Variants in PPP1R13L observed in about 807,000 individuals in gnomAD.
PPP1R13L encodes protein phosphatase 1 regulatory subunit 13 like, also known as relA-associated inhibitor.
Under a neutral mutation model 80.9 loss-of-function variants are expected in PPP1R13L, and 50 were observed. The observed-to-expected ratio is 0.62, with a 90% CI of 0.49 to 0.78. The LOEUF (loss-of-function observed/expected upper bound fraction) is 0.78, where lower values mean the gene tolerates loss of function less well. Among genes scored for constraint, PPP1R13L ranks in the 30% least tolerant of loss-of-function variants. The probability of loss-of-function intolerance (pLI) is 0.00; values close to 1 mark genes in which losing one functional copy is unlikely to be tolerated. For missense variants in PPP1R13L, 1,200 were observed against 1,205.9 expected (o/e 1.00, Z 0.07); for synonymous variants, 602 against 534.3 (o/e 1.13, Z -1.75).
chr19:45,387,786 C>T (rs1029965355), intron 8 of PPP1R13L, among the ~76,000 whole-genome samples: 1 of 152,124 alleles, frequency 6.6e-6, no homozygotes, highest in South Asian at 2.1e-4. Context: ...CTCCTGACCT[C>T]GTGATCCGCC....
Position 45,396,643 on chromosome 19 carries a change from C to T in PPP1R13L, c.614G>A (p.Arg205His), listed in dbSNP as rs1599774597. 2 of 1,467,670 alleles carry T rather than the reference C, an allele frequency of 1.4e-6. No homozygotes were observed. The highest frequency in any genetic ancestry group is 1.8e-6 in the Non-Finnish European group (2 of 1,119,978). 90.9% of individuals were successfully genotyped at this position (1,467,670 alleles called of 1,614,324 possible). A position where few individuals can be genotyped will look rare whatever the true frequency, so the allele number is the denominator to read the frequency against. Residue 205 changes from arginine (R) to histidine (H), a missense_variant, in exon 4 of 13, where the codon CGC becomes CAC. By Grantham distance (29) the Arg-to-His change is conservative (BLOSUM62 0). This residue lies in a region of PPP1R13L where 764 missense variants were observed against 714.5 expected (regional missense o/e 1.07). Coordinates refer to ENST00000360957, the MANE Select transcript of PPP1R13L (RefSeq NM_006663.4). The surrounding 1 kb of genome is among the most constrained non-coding windows in gnomAD (Gnocchi z 5.3). ...CGCGTCGTAGGCTGTGGCAGGGGGG[C>T]GCGGTGACGGCCCACGCTCGGGGAA... ...AFFPERGPSPRPPATAYDAPA... is the reference protein window; with the variant it reads ...AFFPERGPSPHPPATAYDAPA...
chr19:45,386,631 C>CTTTT (rs34881055), intron 8 of PPP1R13L, among the ~76,000 whole-genome samples: 15 of 133,632 alleles, frequency 1.1e-4, no homozygotes, highest in African/African-American at 1.7e-4. Flanking sequence ...TTCTTTTTCT[C>CTTTT]TTTTTTTTTT....
chr19:45,399,746 G>C (rs1172638275), intron 1 of PPP1R13L, among the ~76,000 whole-genome samples: 1 of 151,814 alleles, frequency 6.6e-6, no homozygotes, highest in Non-Finnish European at 1.5e-5. Flanking sequence ...TTGAAGCCAG[G>C]AGACCAGCCT....
At chr19:45,402,503 G>A (rs995544543) in intron 1 of PPP1R13L, among the ~76,000 whole-genome samples, 2 of 152,242 alleles carry the variant, frequency 1.3e-5, no homozygotes, top group Non-Finnish European at 2.9e-5. Flanking sequence ...CCACCAGGGG[G>A]CGGTCACGCC....
At chr19:45,389,760 G>A (rs1408201421) in intron 8 of PPP1R13L, among the ~76,000 whole-genome samples, 1 of 151,998 alleles carries the variant, frequency 6.6e-6, no homozygotes, top group Non-Finnish European at 1.5e-5. Context: ...GCACCCAGCC[G>A]AGACTCACTT....
At chr19:45,383,658 T>C (rs1255399658) in intron 11 of PPP1R13L, among the ~76,000 whole-genome samples, 1 of 152,222 alleles carries the variant, frequency 6.6e-6, no homozygotes, top group African/African-American at 2.4e-5. Context: ...TCTTTTGCCC[T>C]ACCCTGGCGC....
At chr19:45,385,979 G>T in intron 9 of PPP1R13L, 22 bp from the exon 10 acceptor site, 1 of 1,600,626 alleles carries the variant, frequency 6.2e-7, no homozygotes, top group Non-Finnish European at 8.5e-7. Context: ...GGGGGAGGGG[G>T]AAGACTCAGT....
In PPP1R13L at chr19:45,386,147, G is replaced by C. The variant is rs767226818; in HGVS notation, c.1849C>G (p.Pro617Ala). 10 of 1,540,768 alleles carry C rather than the reference G, an allele frequency of 6.5e-6. No homozygotes were observed. Among genetic ancestry groups the C allele is most frequent in the Non-Finnish European group, 8.6e-6 (10 of 1,157,152 alleles). Residue 617 changes from proline to alanine, a missense_variant, in exon 9 of 13, where the codon CCG (proline) becomes GCG (alanine). By Grantham distance (27) the Pro-to-Ala change is conservative. Transcript: ENST00000360957. ...MRSVLRKAGS[P>A]RKARRARLNP... Reference sequence around the variant, plus strand: ...AGGCGCGCGCGGCGGGCCTTGCGCGGGGAGCCCGCCTTCCGCAGCACAGAG... The same window carrying C: ...AGGCGCGCGCGGCGGGCCTTGCGCGCGGAGCCCGCCTTCCGCAGCACAGAG...
chr19:45,382,481 A>G (rs371926367), intron 12 of PPP1R13L, 46 bp downstream of exon 12: 3 of 1,586,498 alleles, frequency 1.9e-6, no homozygotes, highest in Admixed American at 1.7e-5. Context: ...CTTTTCCCCA[A>G]CCCCCAACTG....
chr19:45,382,981 C>A (rs1217439784), intron 11 of PPP1R13L, among the ~76,000 whole-genome samples: 3 of 142,422 alleles, frequency 2.1e-5, no homozygotes, highest in Non-Finnish European at 3.0e-5. Context: ...TCAGAGGCTC[C>A]CATTTCTTTT....
chr19:45,394,067 C>T (rs1273509101), intron 7 of PPP1R13L, among the ~76,000 whole-genome samples: 1 of 152,148 alleles, frequency 6.6e-6, no homozygotes. Flanking sequence ...TGAAGAGAGA[C>T]TCCAGCCCAT....
intron 8 of PPP1R13L, among the ~76,000 whole-genome samples, chr19:45,390,007 T>C (rs997060138): frequency 3.3e-5 from 5 of 152,050 alleles, no homozygotes; most frequent in African/African-American, 1.2e-4. Flanking sequence ...TTAGCCAGGA[T>C]GGTCTTATCT....
rs186007727 is a variant in PPP1R13L, at chr19:45,396,321, G to A, written c.811+17C>T. ...CTCTCCTCCGGGTCCTCCATTCCCC[G>A]GGCCTCCACCACTCACGTTCATAGC... On this transcript the variant is annotated intron_variant, in intron 5 of 12. Coordinates refer to ENST00000360957, the MANE Select transcript of PPP1R13L (RefSeq NM_006663.4). This position sits in a 1 kb window ranked among gnomAD's most constrained non-coding sequence, Gnocchi z 5.3. 2.5e-3 allele frequency: 4,087 copies of A among 1,613,924 alleles called. 8 individuals are homozygous for A. Among genetic ancestry groups the A allele is most frequent in the Non-Finnish European group, 3.2e-3 (3,750 of 1,179,984 alleles).
At chr19:45,399,449 C>T (rs1362600365) in intron 1 of PPP1R13L, among the ~76,000 whole-genome samples, 9 of 148,442 alleles carry the variant, frequency 6.1e-5, no homozygotes, top group African/African-American at 1.5e-4. Context: ...ATGGTGAAAC[C>T]CCGTCTCTAC....
intron 7 of PPP1R13L, chr19:45,395,133 C>T (rs2123379992): frequency 5.7e-6 from 2 of 350,406 alleles, no homozygotes; most frequent in Middle Eastern, 7.6e-4. Context: ...GCATGAGCCA[C>T]CGTGCCCGGC....
At chr19:45,399,351 G>A (rs1037024395) in intron 1 of PPP1R13L, among the ~76,000 whole-genome samples, 73 of 150,888 alleles carry the variant, frequency 4.8e-4, no homozygotes, top group Non-Finnish European at 9.6e-4. Flanking sequence ...TCCGCCGGGC[G>A]CGGTGGCTCA....
upstream of PPP1R13L, among the ~76,000 whole-genome samples, chr19:45,405,560 C>T (rs1973323838): frequency 6.6e-6 from 1 of 152,240 alleles, no homozygotes; most frequent in African/African-American, 2.4e-5. Flanking sequence ...AATTGTAGTC[C>T]TGGAGCCCGC....
intron 12 of PPP1R13L, among the ~76,000 whole-genome samples, chr19:45,381,097 C>T (rs1297551744): frequency 1.3e-5 from 2 of 150,044 alleles, no homozygotes; most frequent in Non-Finnish European, 3.0e-5. Context: ...TATTGTCACC[C>T]AGGCTGGAGT....
chr19:45,397,460 C>CTT (rs1973128893), intron 3 of PPP1R13L, among the ~76,000 whole-genome samples: 2 of 32,856 alleles, frequency 6.1e-5, no homozygotes, highest in South Asian at 2.0e-3. Flanking sequence ...TGCTTGCTTG[C>CTT]TTTCTCTCTC....
Sources: allele counts gnomAD v4.1 joint callset (sites outside exome capture counted in the v4.1 genomes callset), GRCh38; gene constraint gnomAD v4.1.1; regional missense constraint gnomAD v4.1.1; non-coding constraint Gnocchi (gnomAD v3.1); transcripts MANE v1.5; gene names NCBI Gene and HGNC (gene_info 2026-07-23, HGNC 2026-07-21).